ST6GALNAC3: variants seen among roughly 807,000 people sequenced by gnomAD.
ST6GALNAC3 encodes the protein alpha-N-acetylgalactosaminide alpha-2,6-sialyltransferase 3.
A neutral mutation model predicts 32.7 loss-of-function variants in ST6GALNAC3; 25 were observed. The ratio of observed to expected loss-of-function variants is 0.76; its 90% CI spans 0.56 to 1.07. ST6GALNAC3 has a LOEUF of 1.07. Among genes scored for constraint, ST6GALNAC3 ranks in the 50% least tolerant of loss-of-function variants. The probability of loss-of-function intolerance (pLI) is 0.00; values close to 1 mark genes in which losing one functional copy is unlikely to be tolerated. For missense variants in ST6GALNAC3, 355 were observed against 382.4 expected, an observed-to-expected ratio of 0.93 and a Z score of 0.60; for synonymous variants, 129 against 133.1, an observed-to-expected ratio of 0.97 and a Z score of 0.21.
intron 1 of ST6GALNAC3, among the ~76,000 whole-genome samples, chr1:76,236,001 A>C (rs1656634475): frequency 6.6e-6 from 1 of 151,886 alleles, no homozygotes; most frequent in Non-Finnish European, 1.5e-5. Flanking sequence ...TTTTAGACAG[A>C]GTCCCACTCT....
At chr1:76,513,028 A>G (rs315089) in intron 3 of ST6GALNAC3, among the ~76,000 whole-genome samples, 65,630 of 151,836 alleles carry the variant, frequency 0.43, 14,642 homozygotes, top group Middle Eastern at 0.49. Flanking sequence ...TATTCTGGAT[A>G]TTAACTCCTT....
At chr1:76,577,511 C>A (rs984628170) in intron 3 of ST6GALNAC3, among the ~76,000 whole-genome samples, 4 of 151,934 alleles carry the variant, frequency 2.6e-5, no homozygotes, top group Non-Finnish European at 5.9e-5. Flanking sequence ...TAAAAACATT[C>A]ATTTTCTTAT....
At chr1:76,129,391 A>T (rs988288808) in intron 1 of ST6GALNAC3, among the ~76,000 whole-genome samples, 6 of 152,118 alleles carry the variant, frequency 3.9e-5, no homozygotes, top group Admixed American at 2.0e-4. Context: ...TAATCAGGTG[A>T]CTGCCTGCTC....
chr1:76,437,305 G>A (rs1406883919), intron 3 of ST6GALNAC3, among the ~76,000 whole-genome samples: 1 of 152,040 alleles, frequency 6.6e-6, no homozygotes, highest in African/African-American at 2.4e-5. Context: ...CAGGTCTCTC[G>A]AGATATTTAT....
chr1:76,411,187 G>A (rs2101293134), intron 2 of ST6GALNAC3, among the ~76,000 whole-genome samples: 1 of 152,258 alleles, frequency 6.6e-6, no homozygotes, highest in East Asian at 1.9e-4. Flanking sequence ...AACGGAAAGG[G>A]CAGTGGGCTT....
intron 3 of ST6GALNAC3, among the ~76,000 whole-genome samples, chr1:76,480,770 A>C (rs1203266002): frequency 2.6e-5 from 4 of 151,842 alleles, no homozygotes; most frequent in Non-Finnish European, 5.9e-5. Flanking sequence ...ATAAGTAATC[A>C]CTCTCCTTAT....
Position 76,313,914 on chromosome 1 carries a change from C to T in ST6GALNAC3, c.128C>T (p.Pro43Leu). Reference sequence around the variant, plus strand: ...TTGCTACTAAACTGCTTTGGACAACCTGGTACAAAGTGGATACCATTCTCC... The same window carrying T: ...TTGCTACTAAACTGCTTTGGACAACTTGGTACAAAGTGGATACCATTCTCC... ...FPLLLNCFGQ[P>L]GTKWIPFSYT... The change falls in exon 2 of 5, where the codon CCT becomes CTT. Residue 43 changes from proline to leucine, a missense_variant. Physicochemically the swap from Pro to Leu is moderately conservative, Grantham distance 98. Coordinates refer to ENST00000328299, the MANE Select transcript of ST6GALNAC3 (RefSeq NM_152996.4). 1 of 1,613,600 alleles carries T rather than the reference C, an allele frequency of 6.2e-7. No homozygotes were observed. The highest frequency in any genetic ancestry group is 1.1e-5 in the South Asian group (1 of 91,076).
Position 76,159,733 on chromosome 1 carries a change from A to G in ST6GALNAC3, c.18+84849A>G, listed in dbSNP as rs142435499. Among the ~76,000 whole-genome samples, 5 of 152,362 alleles carry G rather than the reference A, an allele frequency of 3.3e-5. No homozygotes were observed. The East Asian group carries it at 9.6e-4, about 29-fold the overall frequency. On this transcript the variant is annotated intron_variant, in intron 1 of 4. Coordinates refer to ENST00000328299, the MANE Select transcript of ST6GALNAC3 (RefSeq NM_152996.4). ...TGAAAACAACTAAGTATAACACAACATAATGTCTGAAAGATAAAAACAAGT... is the reference window on the plus strand; with the variant it reads ...TGAAAACAACTAAGTATAACACAACGTAATGTCTGAAAGATAAAAACAAGT...
At chr1:76,320,488 G>A (rs180811568) in intron 2 of ST6GALNAC3, among the ~76,000 whole-genome samples, 24 of 152,078 alleles carry the variant, frequency 1.6e-4, no homozygotes, top group Non-Finnish European at 2.8e-4. Flanking sequence ...GCTTCTCTCT[G>A]TGTACCCCTG....
intron 3 of ST6GALNAC3, among the ~76,000 whole-genome samples, chr1:76,572,740 G>A (rs1445143619): frequency 6.6e-6 from 1 of 152,146 alleles, no homozygotes; most frequent in Non-Finnish European, 1.5e-5. Flanking sequence ...CAAATTAGCT[G>A]AGTTCTCAAG....
At chr1:76,430,622 C>T (rs1450489457) in intron 3 of ST6GALNAC3, among the ~76,000 whole-genome samples, 4 of 152,146 alleles carry the variant, frequency 2.6e-5, no homozygotes, top group Non-Finnish European at 5.9e-5. Flanking sequence ...CTCCCTCCTA[C>T]GAATTCCTCA....
chr1:76,191,609 A>G (rs1322175309), intron 1 of ST6GALNAC3, among the ~76,000 whole-genome samples: 1 of 152,242 alleles, frequency 6.6e-6, no homozygotes, highest in Non-Finnish European at 1.5e-5. Context: ...TATACAACAT[A>G]TATATGTATC....
intron 2 of ST6GALNAC3, among the ~76,000 whole-genome samples, chr1:76,338,467 C>T (rs1378004596): frequency 6.6e-6 from 1 of 152,194 alleles, no homozygotes; most frequent in Non-Finnish European, 1.5e-5. Flanking sequence ...CTTGATCCTC[C>T]AGAAGCTTGA....
chr1:76,331,833 G>A (rs1302443906), intron 2 of ST6GALNAC3, among the ~76,000 whole-genome samples: 1 of 152,116 alleles, frequency 6.6e-6, no homozygotes, highest in Non-Finnish European at 1.5e-5. Context: ...CTCAAGAATT[G>A]CTAGCAATAA....
intron 3 of ST6GALNAC3, among the ~76,000 whole-genome samples, chr1:76,624,649 T>C (rs977083363): frequency 1.3e-5 from 2 of 151,894 alleles, no homozygotes; most frequent in African/African-American, 2.4e-5. Flanking sequence ...ATGATTTTTT[T>C]TTCTCACTCA....
downstream of ST6GALNAC3, among the ~76,000 whole-genome samples, chr1:76,635,358 A>G (rs1649478126): frequency 6.6e-6 from 1 of 152,232 alleles, no homozygotes; most frequent in African/African-American, 2.4e-5. Context: ...AATGAGAGTC[A>G]TCTTTGGAAA....
chr1:76,378,593 C>T (rs1288864567), intron 2 of ST6GALNAC3, among the ~76,000 whole-genome samples: 2 of 151,564 alleles, frequency 1.3e-5, no homozygotes, highest in African/African-American at 4.9e-5. Flanking sequence ...ACCCAGGAGG[C>T]AGAGGTTGCA....
chr1:76,530,996 T>C (rs552127053), intron 3 of ST6GALNAC3, among the ~76,000 whole-genome samples: 1 of 152,292 alleles, frequency 6.6e-6, no homozygotes, highest in African/African-American at 2.4e-5. Context: ...ATATTTGTTC[T>C]AAATATGTGA....
intron 3 of ST6GALNAC3, among the ~76,000 whole-genome samples, chr1:76,432,231 C>T (rs911083553): frequency 5.9e-5 from 9 of 151,894 alleles, no homozygotes; most frequent in African/African-American, 2.2e-4. Context: ...TTCCATTGTC[C>T]GAATTGTACC....
Sources: allele counts gnomAD v4.1 joint callset (sites outside exome capture counted in the v4.1 genomes callset), GRCh38; gene constraint gnomAD v4.1.1; transcripts MANE v1.5; gene names NCBI Gene and HGNC (gene_info 2026-07-23, HGNC 2026-07-21).